Variants in PLD5 observed in about 807,000 individuals in gnomAD.
PLD5 encodes the protein inactive phospholipase D5.
In PLD5, 36 loss-of-function variants were observed where a neutral mutation model predicts 61.1. That is an observed-to-expected ratio of 0.59 (90% CI 0.45 to 0.78). The LOEUF (loss-of-function observed/expected upper bound fraction) is 0.78. Among genes scored for constraint, PLD5 ranks in the 30% least tolerant of loss-of-function variants. PLD5 has a pLI of 0.00. For missense variants in PLD5, 515 were observed against 644.4 expected, an observed-to-expected ratio of 0.80 and a Z score of 2.17; for synonymous variants, 243 against 242.8, an observed-to-expected ratio of 1.00 and a Z score of -0.01.
At chr1:242,530,303 C>A in the PLD5 span, among the ~76,000 whole-genome samples, 1 of 152,214 alleles carries the variant, frequency 6.6e-6, no homozygotes, top group Non-Finnish European at 1.5e-5. Context: ...TTGAATCTGT[C>A]AAGATGCTAT....
intron 5 of PLD5, among the ~76,000 whole-genome samples, chr1:242,190,564 C>T (rs777280320): frequency 6.6e-6 from 1 of 151,800 alleles, no homozygotes; most frequent in African/African-American, 2.4e-5. Flanking sequence ...TATGGGCCCT[C>T]GATGGAAACT....
At chr1:242,183,215 G>T (rs1667633207) in intron 5 of PLD5, among the ~76,000 whole-genome samples, 2 of 152,282 alleles carry the variant, frequency 1.3e-5, no homozygotes, top group African/African-American at 4.8e-5. Flanking sequence ...AATAAGTATT[G>T]CTGGTGATAA....
intron 1 of PLD5, among the ~76,000 whole-genome samples, chr1:242,477,211 T>C (rs145555810): frequency 6.6e-6 from 1 of 151,850 alleles, no homozygotes; most frequent in African/African-American, 2.4e-5. Context: ...GATCACGTCA[T>C]TGCCCTCCAG....
At chr1:242,379,619 TAA>T (rs60955446) in intron 1 of PLD5, among the ~76,000 whole-genome samples, 29 of 148,040 alleles carry the variant, frequency 2.0e-4, no homozygotes, top group African/African-American at 7.1e-4. Context: ...TTTACTACTT[TAA>T]AAAAAAAAAC....
intron 2 of PLD5, among the ~76,000 whole-genome samples, chr1:242,300,223 G>C (rs1156785258): frequency 1.3e-5 from 2 of 152,130 alleles, no homozygotes; most frequent in African/African-American, 4.8e-5. Flanking sequence ...TGGATCACCT[G>C]AGGTCAGGAG....
chr1:242,212,920 G>C (rs770338342), intron 5 of PLD5, among the ~76,000 whole-genome samples: 1 of 152,180 alleles, frequency 6.6e-6, no homozygotes, highest in South Asian at 2.1e-4. Flanking sequence ...TGAAGGGAGA[G>C]AAATTACAGA....
intron 1 of PLD5, among the ~76,000 whole-genome samples, chr1:242,385,476 T>C (rs1010227689): frequency 6.6e-6 from 1 of 152,178 alleles, no homozygotes; most frequent in Non-Finnish European, 1.5e-5. Flanking sequence ...TCACCACCTG[T>C]TTCTTTGTTG....
chr1:242,130,065 T>G lies in PLD5; in HGVS notation c.736-5400A>C, dbSNP rs573617712. Reference sequence around the variant, plus strand: ...CTGTTGATGAACATCTTTTTTTTTTTTTTTGAGATGGAGTCTCACTCTGTC... The same window carrying G: ...CTGTTGATGAACATCTTTTTTTTTTGTTTTGAGATGGAGTCTCACTCTGTC... On this transcript the variant is annotated intron_variant, in intron 5 of 9. Transcript: ENST00000536534. Among the ~76,000 whole-genome samples, 182 of 152,128 alleles carry G rather than the reference T, an allele frequency of 1.2e-3. 3 individuals carry two copies. In the Middle Eastern group the frequency reaches 0.017, roughly 14 times the overall value.
intron 4 of PLD5, among the ~76,000 whole-genome samples, chr1:242,226,007 TAGTCTA>T (rs554977566): frequency 1.1e-4 from 17 of 152,240 alleles, no homozygotes; most frequent in Non-Finnish European, 2.4e-4. Context: ...CAATATCTGT[TAGTCTA>T]AGTCATTCTG....
chr1:242,364,753 G>A (rs927535906), intron 1 of PLD5, among the ~76,000 whole-genome samples: 5 of 152,010 alleles, frequency 3.3e-5, no homozygotes, highest in African/African-American at 1.2e-4. Flanking sequence ...GAAGAGAAGA[G>A]AAGAGAAGGG....
chr1:242,382,910 A>G (rs1034774302), intron 1 of PLD5, among the ~76,000 whole-genome samples: 4 of 151,874 alleles, frequency 2.6e-5, no homozygotes, highest in South Asian at 2.1e-4. Context: ...TCAAGGACTG[A>G]TATGTCTTTA....
chr1:242,345,418 T>A, intron 2 of PLD5: 1 of 498,648 alleles, frequency 2.0e-6, no homozygotes, highest in South Asian at 2.3e-5. Context: ...GAAGTGGATA[T>A]TAAATGTATT....
chr1:242,334,204 G>A (rs1365206924), intron 2 of PLD5, among the ~76,000 whole-genome samples: 1 of 152,096 alleles, frequency 6.6e-6, no homozygotes, highest in Non-Finnish European at 1.5e-5. Context: ...TATTGTATGG[G>A]CAAGCTTTGT....
In PLD5 at chr1:242,404,997, A is replaced by G. The variant is rs1034202051; in HGVS notation, c.190-56755T>C. 3.4e-5 allele frequency among the ~76,000 whole-genome samples: 5 copies of G among 149,044 alleles called. No homozygotes were observed. In the Admixed American group the frequency reaches 3.5e-4, roughly 10 times the overall value. On this transcript the variant is annotated intron_variant, in intron 1 of 9. Transcript: ENST00000536534. ...CGGGTTCAAGCAATTCTCCTGCCTC[A>G]GCCTCCTGAGTAACTGGGATTACAG...
At chr1:242,385,621 C>T (rs1662554876) in intron 1 of PLD5, among the ~76,000 whole-genome samples, 1 of 152,096 alleles carries the variant, frequency 6.6e-6, no homozygotes, top group Non-Finnish European at 1.5e-5. Context: ...GACTTTGTCA[C>T]CCCCACGACC....
intron 9 of PLD5, among the ~76,000 whole-genome samples, chr1:242,096,198 T>C (rs1239826005): frequency 2.0e-5 from 3 of 152,148 alleles, no homozygotes; most frequent in African/African-American, 7.2e-5. Flanking sequence ...GACTTCGTGA[T>C]CCGCCTGCCT....
At chr1:242,297,403 CTTTTT>C (rs71176739) in intron 2 of PLD5, among the ~76,000 whole-genome samples, 1 of 21,892 alleles carries the variant, frequency 4.6e-5, no homozygotes, top group Non-Finnish European at 9.6e-5. Context: ...CCCTTCAAGA[CTTTTT>C]TTTTTTTTTT....
intron 5 of PLD5, among the ~76,000 whole-genome samples, chr1:242,152,685 T>G (rs1179463196): frequency 6.6e-6 from 1 of 152,188 alleles, no homozygotes; most frequent in African/African-American, 2.4e-5. Context: ...GGACATGAAC[T>G]CATCCTTTTT....
chr1:242,449,265 T>C (rs1340454845), intron 1 of PLD5: 2 of 1,494,088 alleles, frequency 1.3e-6, no homozygotes, highest in Non-Finnish European at 9.0e-7. Context: ...TTCAGTCTCA[T>C]GCTACCAACA....
Sources: allele counts gnomAD v4.1 joint callset (sites outside exome capture counted in the v4.1 genomes callset), GRCh38; gene constraint gnomAD v4.1.1; transcripts MANE v1.5; gene names NCBI Gene and HGNC (gene_info 2026-07-23, HGNC 2026-07-21).